Variants in FANCM observed in about 807,000 individuals in gnomAD.
FANCM encodes FA complementation group M.
A neutral mutation model predicts 199.5 loss-of-function variants in FANCM; 140 were observed. The ratio of observed to expected loss-of-function variants is 0.70; its 90% confidence interval spans 0.61 to 0.81. The LOEUF is 0.81. Among genes scored for constraint, FANCM ranks in the 30% least tolerant of loss-of-function variants. The pLI is 0.00. For synonymous variants in FANCM, 840 were observed against 836.8 expected (o/e 1.00, Z -0.07); for missense variants, 2,410 against 2,421.4 (o/e 1.00, Z 0.10).
chr14:45,190,839 C>A (rs188059671), intron 20 of FANCM, among the ~76,000 whole-genome samples: 1 of 151,816 alleles, frequency 6.6e-6, no homozygotes, highest in East Asian at 1.9e-4. Context: ...CTTTGAGTTT[C>A]AATATCCTCA....
In FANCM at chr14:45,143,971, C is replaced by T. The variant is rs200619198; in HGVS notation, c.759+3262C>T. The stretch of plus-strand genomic sequence containing the variant: ...CCTCCCAAAGTGCTGGGATTACAGG[C>T]GTGAGCCACCACGCCCGGCTTGAGT... On this transcript the variant is annotated intron_variant, in intron 3 of 22. Transcript: ENST00000267430. Among the ~76,000 whole-genome samples, 31 of 152,176 alleles carry T rather than the reference C, an allele frequency of 2.0e-4. No homozygotes were observed. In the East Asian group the frequency reaches 5.4e-3, roughly 27 times the overall value.
intron 3 of FANCM, among the ~76,000 whole-genome samples, chr14:45,146,134 G>A (rs1396793127): frequency 1.3e-5 from 2 of 148,330 alleles, no homozygotes; most frequent in Non-Finnish European, 3.0e-5. Context: ...CCAGCTACTC[G>A]GGAGGCTGAG....
intron 3 of FANCM, among the ~76,000 whole-genome samples, chr14:45,146,678 A>G (rs1886409572): frequency 6.6e-6 from 1 of 151,666 alleles, no homozygotes; most frequent in South Asian, 2.1e-4. Flanking sequence ...AAAAAAATAC[A>G]AAAAATTAGC....
chr14:45,200,065 A>G lies in FANCM; in HGVS notation c.*57A>G, dbSNP rs1260849865. 33 of 1,154,598 alleles carry G rather than the reference A, an allele frequency of 2.9e-5. No individual in the cohort carries two copies. The highest frequency in any genetic ancestry group is 3.6e-5 in the Admixed American group (2 of 55,210). 71.5% of individuals were successfully genotyped at this position (1,154,598 alleles called of 1,614,324 possible). A position where few individuals can be genotyped will look rare whatever the true frequency, so the allele number is the denominator to read the frequency against. On this transcript the variant is annotated 3_prime_UTR_variant, in exon 23 of 23. Transcript: ENST00000267430. ...CTCTCACAATATTAAATGCACTTCA[A>G]TAATCATTGCTGTTTTATGTTTATT...
intron 21 of FANCM, 77 bp from the exon 22 acceptor site, chr14:45,198,567 A>ATCT: frequency 2.3e-6 from 2 of 880,158 alleles, no homozygotes; most frequent in Non-Finnish European, 3.2e-6. Flanking sequence ...TTGGGATTTT[A>ATCT]ATAAAATAAA....
chr14:45,184,922 C>T (rs1187916762), intron 17 of FANCM, among the ~76,000 whole-genome samples: 3 of 150,448 alleles, frequency 2.0e-5, no homozygotes, highest in East Asian at 2.0e-4. Context: ...TACAGGCATG[C>T]GCCACCACAC....
rs1182429346 is a variant in FANCM at position 45,175,407 on chromosome 14, A to G, written c.2653A>G (p.Thr885Ala). The change falls in exon 14 of 23, where the codon ACT becomes GCT. Residue 885 changes from threonine to alanine, a missense_variant. Physicochemically the swap from Thr to Ala is moderately conservative, Grantham distance 58. Coordinates refer to ENST00000267430, the MANE Select transcript of FANCM (RefSeq NM_020937.4). ...TTCTGTAGATAATGACAGAAATTCC[A>G]CTGTTGAAAATATTTTTCAAGAAGA... Reference protein sequence around the residue: ...IDSVDNDRNSTVENIFQEDLP... With the variant: ...IDSVDNDRNSAVENIFQEDLP... 3 of 1,571,590 alleles carry G rather than the reference A, an allele frequency of 1.9e-6. No homozygotes were observed. The highest frequency in any genetic ancestry group is 1.4e-5 in the African/African-American group (1 of 72,828).
chr14:45,141,510 C>T lies in FANCM; in HGVS notation c.759+801C>T, dbSNP rs1374826469. Among the ~76,000 whole-genome samples, 5 of 131,620 alleles carry T rather than the reference C, an allele frequency of 3.8e-5. No individual in the cohort carries two copies. In the East Asian group the frequency reaches 1.0e-3, roughly 26 times the overall value. The allele number at this position is 131,620 out of a possible 152,430, so 86.3% of individuals were successfully genotyped here. A position where few individuals can be genotyped will look rare whatever the true frequency, so the allele number is the denominator to read the frequency against. ...TCCCCTTTCTCCTCTGTTCTCCTCC[C>T]CCTCCCCTCCCCTTCCTCCTCCCTG... On this transcript the variant is annotated intron_variant, in intron 3 of 22. Coordinates refer to ENST00000267430, the MANE Select transcript of FANCM (RefSeq NM_020937.4).
In FANCM at chr14:45,176,386, A is replaced by C. The variant is rs750686379; in HGVS notation, c.3632A>C (p.Glu1211Ala). Reference sequence around the variant, plus strand: ...TCTCGTGATCAGAGAGGTGTACAGGAAGAAAAAGTGAAGAATCATGAGGAT... The same window carrying C: ...TCTCGTGATCAGAGAGGTGTACAGGCAGAAAAAGTGAAGAATCATGAGGAT... ...FKSRDQRGVQ[E>A]EKVKNHEDIF... The change falls in exon 14 of 23, where the codon GAA (glutamate) becomes GCA (alanine). Residue 1211 changes from glutamate (E) to alanine (A), a missense_variant. Coordinates refer to ENST00000267430, the MANE Select transcript of FANCM (RefSeq NM_020937.4). 3 of 1,613,010 alleles carry C rather than the reference A, an allele frequency of 1.9e-6. No individual in the cohort carries two copies. The highest frequency in any genetic ancestry group is 1.7e-6 in the Non-Finnish European group (2 of 1,179,864).
chr14:45,191,345 GGCT>G, intron 20 of FANCM, among the ~76,000 whole-genome samples: 1 of 152,116 alleles, frequency 6.6e-6, no homozygotes, highest in Non-Finnish European at 1.5e-5. Context: ...CAGTATCCTA[GGCT>G]TTTCTCGACA....
chr14:45,137,750 A>C (rs1885625570), intron 2 of FANCM: 2 of 161,266 alleles, frequency 1.2e-5, no homozygotes, highest in South Asian at 3.3e-4. Flanking sequence ...CACTGAATGA[A>C]GTTGACTTTC....
At chr14:45,170,825 G>A (rs1286265312) in intron 12 of FANCM, 79 bp downstream of exon 12, 2 of 1,177,476 alleles carry the variant, frequency 1.7e-6, no homozygotes, top group Admixed American at 1.7e-5. Flanking sequence ...TCTTTATAAT[G>A]ATCAAGCAAT....
intron 3 of FANCM, among the ~76,000 whole-genome samples, chr14:45,146,058 CAA>C (rs560556209): frequency 6.8e-5 from 4 of 59,156 alleles, no homozygotes; most frequent in Admixed American, 2.0e-4. Context: ...GACTCCGTCT[CAA>C]AAAAAAAAAA....
Position 45,155,253 on chromosome 14 carries a change from T to G in FANCM, c.1310-120T>G, listed in dbSNP as rs1234025413. ...CCTAGATGTTACCTCTGGTTTAAGT[T>G]TTTTAAAAATTAAAAAAAAATCCAA... is the stretch of plus-strand genomic sequence containing the variant. On this transcript the variant is annotated intron_variant, in intron 7 of 22. Transcript: ENST00000267430. The G allele has an allele frequency of 5.3e-6, 3 of 565,312 alleles. No homozygotes were observed. The East Asian group carries it at 9.5e-5, about 18-fold the overall frequency. 35.0% of individuals were successfully genotyped at this position (565,312 alleles called of 1,614,324 possible).
intron 12 of FANCM, among the ~76,000 whole-genome samples, chr14:45,171,267 T>C (rs1888323318): frequency 6.6e-6 from 1 of 152,048 alleles, no homozygotes; most frequent in African/African-American, 2.4e-5. Context: ...CCACTGCATC[T>C]AGCTTTTTCA....
chr14:45,149,996 T>TA (rs1395366517), intron 4 of FANCM, among the ~76,000 whole-genome samples: 2 of 152,218 alleles, frequency 1.3e-5, no homozygotes. Context: ...AGGACCTGCT[T>TA]AGACAATTGT....
In FANCM at chr14:45,196,538, GA is replaced by G. The variant is rs1890070802; in HGVS notation, c.5713del (p.Thr1905GlnfsTer18). ...RICVIVEKDR[E>X]KTGDTSRMFR... is the part of the protein sequence containing the mutation. ...ATGTGTGATTGTGGAAAAGGACAGA[GA>G]AAAAACAGGTTTGTATTTTTAAATA... On this transcript the variant is annotated frameshift_variant, in exon 21 of 23. Transcript: ENST00000267430. LOFTEE classifies it high-confidence loss of function. 1 of 1,613,074 alleles carries G rather than the reference GA, an allele frequency of 6.2e-7. No individual in the cohort carries two copies. The highest frequency in any genetic ancestry group is 8.5e-7 in the Non-Finnish European group (1 of 1,179,864).
rs112299102 is a variant in FANCM, at chr14:45,182,224, A to G, written c.4386+519A>G. Among the ~76,000 whole-genome samples the G allele has an allele frequency of 4.3e-3, 656 of 152,330 alleles. 5 individuals carry two copies. The highest frequency in any genetic ancestry group is 0.015 in the African/African-American group (616 of 41,584). Reference sequence around the variant, plus strand: ...TAAACTGTATTTGGCAGTGAGGCCAAAGAAGGGAGAAGAGAAGGCATTGTT... The same window carrying G: ...TAAACTGTATTTGGCAGTGAGGCCAGAGAAGGGAGAAGAGAAGGCATTGTT... On this transcript the variant is annotated intron_variant, in intron 16 of 22. Transcript: ENST00000267430.
chr14:45,165,762 T>C (rs1230356448), intron 10 of FANCM, among the ~76,000 whole-genome samples: 1 of 152,160 alleles, frequency 6.6e-6, no homozygotes, highest in Non-Finnish European at 1.5e-5. Context: ...CCTAGCCAAG[T>C]TACTTAACCT....
Sources: gnomAD v4.1 joint callset for allele counts (sites outside exome capture counted in the v4.1 genomes callset) on GRCh38, gnomAD v4.1.1 for gene constraint, MANE v1.5 for transcripts, NCBI Gene and HGNC (gene_info 2026-07-23, HGNC 2026-07-21) for gene names.